The following CTNND2 variants were observed in gnomAD, a reference collection of about 807,000 sequenced individuals.
The protein encoded by CTNND2 is catenin delta 2.
A neutral mutation model predicts 144.4 loss-of-function variants in CTNND2; 22 were observed. The ratio of observed to expected loss-of-function variants is 0.15; its 90% confidence interval spans 0.11 to 0.22. The LOEUF (loss-of-function observed/expected upper bound fraction) is 0.22. Ranked by LOEUF, CTNND2 falls within the 10% of genes least tolerant of loss-of-function variation. CTNND2 has a pLI of 1.00. For missense variants in CTNND2, 1,353 were observed against 1,618.8 expected (o/e 0.84, Z 2.82); for synonymous variants, 751 against 695.6 (o/e 1.08, Z -1.25).
In CTNND2 at chr5:11,497,525, G is replaced by C. The variant is rs1184977642; in HGVS notation, c.287+67419C>G. Among the ~76,000 whole-genome samples, 88 of 80,652 alleles carry C rather than the reference G, an allele frequency of 1.1e-3. 12 individuals are homozygous for C. The highest frequency in any genetic ancestry group is 1.8e-3 in the Non-Finnish European group (74 of 40,734). The allele number at this position is 80,652 out of a possible 152,430, so 52.9% of individuals were successfully genotyped here. A position where few individuals can be genotyped will look rare whatever the true frequency, so the allele number is the denominator to read the frequency against. On this transcript the variant is annotated intron_variant, in intron 3 of 21. Coordinates refer to ENST00000304623, the MANE Select transcript of CTNND2 (RefSeq NM_001332.4). ...AGAATGATGTGCGGGGGGGTGGGGG[G>C]GGGCAATATGTGCAAAGGCCCTGAG...
At chr5:11,779,018 A>G (rs932252615) in intron 1 of CTNND2, among the ~76,000 whole-genome samples, 1 of 152,256 alleles carries the variant, frequency 6.6e-6, no homozygotes, top group Non-Finnish European at 1.5e-5. Flanking sequence ...CTTTAAAATT[A>G]GAACATATTT....
At chr5:11,197,203 C>T (rs1375418643) in intron 11 of CTNND2, among the ~76,000 whole-genome samples, 1 of 152,164 alleles carries the variant, frequency 6.6e-6, no homozygotes, top group African/African-American at 2.4e-5. Flanking sequence ...CTTCAGAAAC[C>T]ATGAAGTTCA....
intron 11 of CTNND2, among the ~76,000 whole-genome samples, chr5:11,160,374 A>T (rs1455443500): frequency 6.6e-6 from 1 of 152,226 alleles, no homozygotes; most frequent in Non-Finnish European, 1.5e-5. Flanking sequence ...ATAATGACAA[A>T]GGGAGAGGTG....
At chr5:11,022,050 A>G (rs1182744326) in intron 17 of CTNND2, among the ~76,000 whole-genome samples, 1 of 152,116 alleles carries the variant, frequency 6.6e-6, no homozygotes, top group Non-Finnish European at 1.5e-5. Context: ...AAAAACTAGG[A>G]GGCATTCTTA....
intron 9 of CTNND2, among the ~76,000 whole-genome samples, chr5:11,308,126 C>A (rs1173571577): frequency 6.6e-6 from 1 of 152,148 alleles, no homozygotes; most frequent in African/African-American, 2.4e-5. Context: ...TGTAAGGCAC[C>A]CAGTTTGTGG....
At chr5:11,364,979 C>T (rs920890356) in intron 7 of CTNND2, 89 bp from the exon 8 acceptor site, 8 of 1,147,476 alleles carry the variant, frequency 7.0e-6, no homozygotes, top group Admixed American at 2.7e-5. Flanking sequence ...TTTTTTTGGA[C>T]AAAATTGTTG....
intron 3 of CTNND2, among the ~76,000 whole-genome samples, chr5:11,563,348 TG>T (rs1776823569): frequency 6.6e-6 from 1 of 152,216 alleles, no homozygotes; most frequent in Non-Finnish European, 1.5e-5. Context: ...CTATAAAATC[TG>T]GCAGGCTTAG....
intron 2 of CTNND2, among the ~76,000 whole-genome samples, chr5:11,624,201 T>C (rs1057053443): frequency 6.6e-6 from 1 of 152,068 alleles, no homozygotes; most frequent in South Asian, 2.1e-4. Context: ...TAAAATCTCA[T>C]TGGATCCTTG....
chr5:11,271,917 A>G (rs1384909675), intron 9 of CTNND2, among the ~76,000 whole-genome samples: 4 of 152,150 alleles, frequency 2.6e-5, no homozygotes, highest in African/African-American at 9.7e-5. Flanking sequence ...CTTAAGCTAC[A>G]ATTCCCAAAC....
At chr5:11,896,194 T>G (rs1337090702) in intron 1 of CTNND2, among the ~76,000 whole-genome samples, 8 of 152,138 alleles carry the variant, frequency 5.3e-5, no homozygotes, top group Admixed American at 5.2e-4. Flanking sequence ...AACAGAGTGA[T>G]GTAAGTAAAT....
chr5:11,356,542 C>T (rs1226915231), intron 8 of CTNND2, among the ~76,000 whole-genome samples: 7 of 151,930 alleles, frequency 4.6e-5, no homozygotes, highest in Admixed American at 4.6e-4. Context: ...ATACAAAAAT[C>T]GACTCAAAAT....
intron 2 of CTNND2, among the ~76,000 whole-genome samples, chr5:11,682,020 G>T (rs1426751196): frequency 6.6e-6 from 1 of 152,196 alleles, no homozygotes; most frequent in Admixed American, 6.5e-5. Flanking sequence ...GGCCTTCTGT[G>T]CAGGTAAGTG....
At chr5:11,088,204 G>A (rs1307336874) in intron 15 of CTNND2, among the ~76,000 whole-genome samples, 1 of 152,140 alleles carries the variant, frequency 6.6e-6, no homozygotes, top group Non-Finnish European at 1.5e-5. Context: ...ACAGTGCATG[G>A]TATGAGACTC....
At chr5:11,375,156 C>T (rs963762835) in intron 7 of CTNND2, among the ~76,000 whole-genome samples, 18 of 152,148 alleles carry the variant, frequency 1.2e-4, no homozygotes, top group African/African-American at 4.3e-4. Flanking sequence ...TCCCTTTAAA[C>T]CATTAGACAT....
intron 3 of CTNND2, among the ~76,000 whole-genome samples, chr5:11,512,198 A>T (rs187072273): frequency 2.6e-5 from 4 of 152,286 alleles, no homozygotes; most frequent in Admixed American, 2.6e-4. Flanking sequence ...TGCCATCTTA[A>T]AATTCCTAAT....
chr5:11,632,532 C>G (rs1222690073), intron 2 of CTNND2, among the ~76,000 whole-genome samples: 1 of 152,130 alleles, frequency 6.6e-6, no homozygotes, highest in African/African-American at 2.4e-5. Flanking sequence ...AATACATTAT[C>G]TAAAATGTGC....
chr5:11,170,547 C>T (rs1759793806), intron 11 of CTNND2, among the ~76,000 whole-genome samples: 1 of 151,968 alleles, frequency 6.6e-6, no homozygotes, highest in South Asian at 2.1e-4. Flanking sequence ...TTTAATTCTG[C>T]CGACCTCTAC....
rs142843942 is a variant in CTNND2 at position 11,641,765 on chromosome 5, T to C, written c.175-76709A>G. 2.2e-3 allele frequency among the ~76,000 whole-genome samples: 327 copies of C among 148,078 alleles called. 12 individuals carry two copies. In the East Asian group the frequency reaches 0.044, roughly 20 times the overall value. The stretch of plus-strand genomic sequence containing the variant: ...ATATACGTGTGTATGTACATACATA[T>C]ACGTATATGTATGTACATACATACA... On this transcript the variant is annotated intron_variant, in intron 2 of 21. Transcript: ENST00000304623.
chr5:11,493,694 A>C (rs1769667680), intron 3 of CTNND2, among the ~76,000 whole-genome samples: 1 of 152,206 alleles, frequency 6.6e-6, no homozygotes, highest in Non-Finnish European at 1.5e-5. Flanking sequence ...ATTTCAGTTA[A>C]CTGTCAGTAT....
Sources: allele counts gnomAD v4.1 joint callset (sites outside exome capture counted in the v4.1 genomes callset), GRCh38; gene constraint gnomAD v4.1.1; transcripts MANE v1.5; gene names NCBI Gene and HGNC (gene_info 2026-07-23, HGNC 2026-07-21).